FRMPD4: variants seen among roughly 807,000 people sequenced by gnomAD.
FRMPD4 encodes the protein FERM and PDZ domain-containing protein 4.
Under a neutral mutation model 94.1 loss-of-function variants are expected in FRMPD4, and 22 were observed. The observed-to-expected ratio is 0.23, with a 90% CI of 0.17 to 0.33. The LOEUF is 0.33. Among genes scored for constraint, FRMPD4 ranks in the 10% least tolerant of loss-of-function variants. FRMPD4 has a pLI of 1.00. For missense variants in FRMPD4, 1,111 were observed against 1,339.9 expected, an observed-to-expected ratio of 0.83 and a Z score of 2.67; for synonymous variants, 631 against 548.6, an observed-to-expected ratio of 1.15 and a Z score of -2.10.
intron 1 of FRMPD4, among the ~76,000 whole-genome samples, chrX:12,188,383 G>A (rs1403429122): frequency 9.0e-6 from 1 of 111,501 alleles, no homozygotes; most frequent in Non-Finnish European, 1.9e-5. Context: ...GTTTAAAGAG[G>A]ATTAAAAGAA....
chrX:11,839,850 A>G (rs1484822201), intron 1 of FRMPD4, among the ~76,000 whole-genome samples: 1 of 110,273 alleles, frequency 9.1e-6, no homozygotes, highest in Non-Finnish European at 1.9e-5. Context: ...TGTTTTTCTC[A>G]TTGAATTGTC....
At chrX:11,952,810 A>G (rs1280372837) in intron 3 of FRMPD4, among the ~76,000 whole-genome samples, 1 of 111,851 alleles carries the variant, frequency 8.9e-6, no homozygotes, top group Non-Finnish European at 1.9e-5. Flanking sequence ...AATGAATAGA[A>G]CAGTGCCAGT....
intron 2 of FRMPD4, among the ~76,000 whole-genome samples, chrX:12,501,277 T>C (rs189820396): frequency 3.4e-4 from 38 of 112,778 alleles, no homozygotes; most frequent in Non-Finnish European, 6.0e-4. Flanking sequence ...GTCACCAGTG[T>C]TATTTTTCCA....
chrX:12,113,828 A>G (rs1229733707), intron 3 of FRMPD4, among the ~76,000 whole-genome samples: 1 of 112,073 alleles, frequency 8.9e-6, no homozygotes, highest in Non-Finnish European at 1.9e-5. Context: ...GAATACTAGC[A>G]TTTGCAACCA....
At chrX:12,040,710 T>C (rs777116954) in intron 3 of FRMPD4, among the ~76,000 whole-genome samples, 1 of 108,222 alleles carries the variant, frequency 9.2e-6, no homozygotes, top group African/African-American at 3.4e-5. Context: ...TTTGTATTTT[T>C]AGTAGAGACG....
intron 14 of FRMPD4, among the ~76,000 whole-genome samples, chrX:12,713,668 G>C (rs1016982644): frequency 9.0e-6 from 1 of 111,441 alleles, no homozygotes; most frequent in Non-Finnish European, 1.9e-5. Flanking sequence ...AATACAGAGC[G>C]GAAGTCCCAT....
chrX:11,883,525 A>C (rs11796271), intron 3 of FRMPD4, among the ~76,000 whole-genome samples: 22,562 of 110,918 alleles, frequency 0.2, 2,030 homozygotes, highest in South Asian at 0.3. Context: ...GGGGGGATGG[A>C]AAATAAATAG....
At chrX:12,681,475 G>A (rs1018427529) in intron 5 of FRMPD4, among the ~76,000 whole-genome samples, 2 of 111,633 alleles carry the variant, frequency 1.8e-5, no homozygotes, top group African/African-American at 3.3e-5. Context: ...CTATTCTTTC[G>A]GTTTCTTGCT....
intron 3 of FRMPD4, among the ~76,000 whole-genome samples, chrX:11,901,139 G>GT (rs1179163995): frequency 9.0e-6 from 1 of 111,638 alleles, no homozygotes; most frequent in Non-Finnish European, 1.9e-5. Flanking sequence ...GGTACAGGTG[G>GT]TTTTTTGTTA....
chrX:12,024,495 A>G (rs982785435), intron 3 of FRMPD4, among the ~76,000 whole-genome samples: 2 of 112,241 alleles, frequency 1.8e-5, no homozygotes, highest in Non-Finnish European at 3.8e-5. Context: ...TTGTTAATTT[A>G]AAACTTTCAC....
intron 1 of FRMPD4, among the ~76,000 whole-genome samples, chrX:12,485,072 C>G (rs186521294): frequency 5.6e-4 from 63 of 112,148 alleles, no homozygotes; most frequent in African/African-American, 1.9e-3. Flanking sequence ...GATACTTAAA[C>G]AAGTGGACAC....
At chrX:11,954,235 G>A (rs1257271280) in intron 3 of FRMPD4, among the ~76,000 whole-genome samples, 6 of 112,384 alleles carry the variant, frequency 5.3e-5, no homozygotes, top group Non-Finnish European at 1.1e-4. Flanking sequence ...ACCAAACTTA[G>A]CATTAAATAC....
Position 12,168,366 on chromosome X carries a change from G to GA in FRMPD4, c.41+29354_41+29355insA, listed in dbSNP as rs1447111087. On this transcript the variant is annotated intron_variant, in intron 1 of 16. Transcript: ENST00000675598. ...CTAATAGGGATTCAAAGCCAGATTG[G>GA]GAAAAAAAAAAAAAAACAACTCTCC... 4.8e-3 allele frequency among the ~76,000 whole-genome samples: 252 copies of GA among 52,845 alleles called. 2 individuals are homozygous for GA. The highest frequency in any genetic ancestry group is 8.5e-3 in the Middle Eastern group (1 of 118). 45.9% of individuals were successfully genotyped at this position (52,845 alleles called of 115,157 possible).
chrX:12,211,204 T>C (rs1374443883), intron 1 of FRMPD4, among the ~76,000 whole-genome samples: 1 of 110,697 alleles, frequency 9.0e-6, no homozygotes, highest in Non-Finnish European at 1.9e-5. Flanking sequence ...TCTCAATACC[T>C]GAATTTTCCT....
chrX:12,565,616 A>T (rs1297862969), intron 2 of FRMPD4, among the ~76,000 whole-genome samples: 1 of 112,375 alleles, frequency 8.9e-6, no homozygotes, highest in Non-Finnish European at 1.9e-5. Context: ...GGAAAGACTA[A>T]GAAATTGTCA....
intron 1 of FRMPD4, among the ~76,000 whole-genome samples, chrX:12,163,715 A>G (rs1230688658): frequency 8.9e-6 from 1 of 112,413 alleles, no homozygotes. Context: ...TACAATCAAT[A>G]TTAATTATGC....
At chrX:12,087,199 G>A (rs1452554674) in intron 3 of FRMPD4, among the ~76,000 whole-genome samples, 3 of 111,746 alleles carry the variant, frequency 2.7e-5, no homozygotes, top group Non-Finnish European at 5.7e-5. Context: ...AACTCACTGG[G>A]GTGACCTTAG....
chrX:12,002,454 C>G (rs773069551), intron 3 of FRMPD4, among the ~76,000 whole-genome samples: 1 of 111,949 alleles, frequency 8.9e-6, no homozygotes, highest in African/African-American at 3.2e-5. Context: ...AAGTATGTAA[C>G]AAAAAAGCCA....
intron 1 of FRMPD4, among the ~76,000 whole-genome samples, chrX:12,468,691 T>C (rs1277628438): frequency 1.8e-5 from 2 of 111,548 alleles, no homozygotes; most frequent in Non-Finnish European, 3.8e-5. Flanking sequence ...GTAGAGAGAA[T>C]ATTCTAGCTA....
Sources: gnomAD v4.1 joint callset for allele counts (sites outside exome capture counted in the v4.1 genomes callset) on GRCh38, gnomAD v4.1.1 for gene constraint, MANE v1.5 for transcripts, NCBI Gene and HGNC (gene_info 2026-07-23, HGNC 2026-07-21) for gene names.